The following PRTG variants were observed in gnomAD, a reference collection of about 807,000 sequenced individuals.
PRTG encodes the protein protogenin, also known as immunoglobulin superfamily, DCC subclass, member 5.
In PRTG, 67 loss-of-function variants were observed where a neutral mutation model predicts 122.5. The ratio of observed to expected loss-of-function variants is 0.55; its 90% CI spans 0.45 to 0.67. The LOEUF (loss-of-function observed/expected upper bound fraction) is 0.67, where lower values mean the gene tolerates loss of function less well. PRTG is among the 30% of genes least tolerant of loss of function. PRTG has a pLI of 0.00. For missense variants in PRTG, 1,435 were observed against 1,415.4 expected (o/e 1.01, Z -0.22); for synonymous variants, 554 against 501.1 (o/e 1.11, Z -1.41).
At chr15:55,720,561 T>C (rs1409607347) in intron 2 of PRTG, among the ~76,000 whole-genome samples, 2 of 152,196 alleles carry the variant, frequency 1.3e-5, no homozygotes, top group East Asian at 3.9e-4. Flanking sequence ...ACTCATGTGG[T>C]CGTCCATCTA....
At chr15:55,729,789 C>T (rs2031166408) in intron 2 of PRTG, among the ~76,000 whole-genome samples, 1 of 152,086 alleles carries the variant, frequency 6.6e-6, no homozygotes, top group Admixed American at 6.6e-5. Flanking sequence ...GAGTCTCACT[C>T]CATTGGTGGT....
chr15:55,633,790 C>T (rs1266089033), intron 15 of PRTG, among the ~76,000 whole-genome samples: 1 of 152,168 alleles, frequency 6.6e-6, no homozygotes, highest in African/African-American at 2.4e-5. Flanking sequence ...TATTTGTTCT[C>T]TATGAATCAT....
rs1005139255 is a variant in PRTG, at chr15:55,674,897, A to C, written c.1546+622T>G. 1.2e-4 allele frequency among the ~76,000 whole-genome samples: 19 copies of C among 152,124 alleles called. 1 individual carries two copies. The highest frequency in any genetic ancestry group is 1.0e-3 in the Admixed American group (16 of 15,268). Reference sequence around the variant, plus strand: ...ATCCCTTCTTTTACAATATGGTATGAAGACTCAGAGGAGGATAATCAGTTC... The same window carrying C: ...ATCCCTTCTTTTACAATATGGTATGCAGACTCAGAGGAGGATAATCAGTTC... On this transcript the variant is annotated intron_variant, in intron 9 of 19. Transcript: ENST00000389286.
intron 14 of PRTG, 47 bp from the exon 15 acceptor site, chr15:55,637,387 A>G: frequency 7.0e-7 from 1 of 1,422,772 alleles, no homozygotes; most frequent in Non-Finnish European, 9.3e-7. Flanking sequence ...AAAATGGTTC[A>G]TAAATACTCA....
intron 18 of PRTG, 86 bp from the exon 19 acceptor site, chr15:55,620,853 C>T (rs1387532243): frequency 1.8e-6 from 2 of 1,094,970 alleles, no homozygotes; most frequent in African/African-American, 1.6e-5. Flanking sequence ...TTAACTTTTA[C>T]TATATGCTTC....
chr15:55,641,229 A>T, intron 11 of PRTG, 21 bp from the exon 12 acceptor site: 2 of 1,545,244 alleles, frequency 1.3e-6, no homozygotes, highest in South Asian at 2.2e-5. Flanking sequence ...ACCAATAGGA[A>T]ATAATTAGGA....
At chr15:55,681,090 T>C (rs2059535417) in intron 4 of PRTG, among the ~76,000 whole-genome samples, 4 of 152,196 alleles carry the variant, frequency 2.6e-5, no homozygotes, top group Admixed American at 2.6e-4. Flanking sequence ...CATTCCTTTA[T>C]ATTGAGCAAT....
Position 55,714,544 on chromosome 15 carries a change from C to CT in PRTG, c.397+25837dup, listed in dbSNP as rs1170528122. ...CCAAGCCTGGCATCCTTATCCCCCC[C>CT]TTTTTTTTTTAAATAGAGAAAGAGC... On this transcript the variant is annotated intron_variant, in intron 2 of 19. Coordinates refer to ENST00000389286, the MANE Select transcript of PRTG (RefSeq NM_173814.6). Among the ~76,000 whole-genome samples the CT allele has an allele frequency of 4.6e-4, 68 of 148,750 alleles. No homozygotes were observed. The South Asian group carries it at 6.2e-3, about 14-fold the overall frequency.
At chr15:55,627,285 A>T (rs2059200133) in intron 16 of PRTG, among the ~76,000 whole-genome samples, 157 bp from the exon 17 acceptor site, 1 of 151,866 alleles carries the variant, frequency 6.6e-6, no homozygotes, top group African/African-American at 2.4e-5. Flanking sequence ...AGTAATCTTT[A>T]ATCAGTGATT....
chr15:55,669,922 T>G (rs547957064), intron 11 of PRTG, among the ~76,000 whole-genome samples: 2 of 152,248 alleles, frequency 1.3e-5, no homozygotes, highest in African/African-American at 2.4e-5. Flanking sequence ...TTCCAGTTTA[T>G]GCATTAGAAG....
At chr15:55,665,276 A>G (rs2141780103) in intron 11 of PRTG, among the ~76,000 whole-genome samples, 1 of 152,054 alleles carries the variant, frequency 6.6e-6, no homozygotes, top group East Asian at 1.9e-4. Context: ...AAGAAAAAGA[A>G]GAAGAAAGGC....
chr15:55,738,051 C>CACCA (rs1452875816), intron 2 of PRTG, among the ~76,000 whole-genome samples: 2 of 81,864 alleles, frequency 2.4e-5, no homozygotes, highest in African/African-American at 7.5e-5. Flanking sequence ...CACACACACA[C>CACCA]CACACACACT....
intron 2 of PRTG, among the ~76,000 whole-genome samples, chr15:55,699,273 C>A (rs564973289): frequency 6.6e-6 from 1 of 151,878 alleles, no homozygotes. Flanking sequence ...CTGTTAATGG[C>A]TTTTTTTTGG....
At chr15:55,743,144 GGGCGGAGTGA>G in exon 1 of PRTG, 2 of 1,246,928 alleles carry the variant, frequency 1.6e-6, no homozygotes, top group African/African-American at 1.6e-5. Context: ...GTCCGGCTGG[GGGCGGAGTGA>G]GGCGGCGGCT....
intron 9 of PRTG, 29 bp downstream of exon 9, chr15:55,675,490 T>G: frequency 6.7e-7 from 1 of 1,501,690 alleles, no homozygotes; most frequent in African/African-American, 1.4e-5. Flanking sequence ...ATGTTCATAC[T>G]GAAATGATCT....
At chr15:55,621,531 C>T (rs1034964246) in intron 18 of PRTG, among the ~76,000 whole-genome samples, 14 of 151,874 alleles carry the variant, frequency 9.2e-5, no homozygotes, top group African/African-American at 2.7e-4. Context: ...TGGTAGCGTG[C>T]GCTTCTAGTT....
At chr15:55,648,024 G>A (rs111341469) in intron 11 of PRTG, among the ~76,000 whole-genome samples, 37 of 152,194 alleles carry the variant, frequency 2.4e-4, no homozygotes, top group African/African-American at 8.9e-4. Context: ...TCCTTCCAGT[G>A]GTATATCTAC....
chr15:55,702,798 G>A (rs538260501), intron 2 of PRTG: 35 of 426,156 alleles, frequency 8.2e-5, no homozygotes, highest in South Asian at 4.0e-4. Flanking sequence ...ACACACACAT[G>A]TGCAAACACA....
intron 16 of PRTG, among the ~76,000 whole-genome samples, chr15:55,628,279 A>G (rs1465784505): frequency 6.6e-6 from 1 of 152,092 alleles, no homozygotes; most frequent in African/African-American, 2.4e-5. Flanking sequence ...GTCCTGTGCT[A>G]CAGGGGGCAC....
Sources: allele counts gnomAD v4.1 joint callset (sites outside exome capture counted in the v4.1 genomes callset), GRCh38; gene constraint gnomAD v4.1.1; transcripts MANE v1.5; gene names NCBI Gene and HGNC (gene_info 2026-07-23, HGNC 2026-07-21).